LAMC3: variants seen among roughly 807,000 people sequenced by gnomAD.
LAMC3 encodes laminin subunit gamma 3.
In LAMC3, 128 loss-of-function variants were observed where a neutral mutation model predicts 173.8. The ratio of observed to expected loss-of-function variants is 0.74; its 90% confidence interval spans 0.64 to 0.85. The LOEUF (loss-of-function observed/expected upper bound fraction) is 0.85, where lower values mean the gene tolerates loss of function less well. Among genes scored for constraint, LAMC3 ranks in the 40% least tolerant of loss-of-function variants. The probability of loss-of-function intolerance (pLI) is 0.00; values close to 1 mark genes in which losing one functional copy is unlikely to be tolerated. For missense variants in LAMC3, 2,022 were observed against 2,156.0 expected, an observed-to-expected ratio of 0.94 and a Z score of 1.23; for synonymous variants, 897 against 909.1, an observed-to-expected ratio of 0.99 and a Z score of 0.24.
chr9:131,048,579 AGGCACTGAACT>A (rs1394807977), intron 8 of LAMC3, among the ~76,000 whole-genome samples: 2 of 152,022 alleles, frequency 1.3e-5, no homozygotes, highest in African/African-American at 4.8e-5. Flanking sequence ...CAGAGGGAGG[AGGCACTGAACT>A]GGCACTGGGG....
At position 131,029,361 on chromosome 9, in the gene LAMC3, C is replaced by T. The variant is rs1345376400; in HGVS notation, c.679-2684C>T. 1.3e-5 allele frequency among the ~76,000 whole-genome samples: 2 copies of T among 152,210 alleles called. No individual in the cohort carries two copies. Among genetic ancestry groups the T allele is most frequent in the African/African-American group, 2.4e-5 (1 of 41,452 alleles). ...AAGCTCTGTAGATTAGAAAACGTCA[C>T]CCGAGGTCAGATGAAGACAGGCAGG... On this transcript the variant is annotated intron_variant, in intron 2 of 27. Transcript: ENST00000361069. This position sits in a 1 kb window ranked among gnomAD's most constrained non-coding sequence, Gnocchi z 4.6.
chr9:131,064,956 A>G (rs60653185), intron 13 of LAMC3, among the ~76,000 whole-genome samples: 12,760 of 148,372 alleles, frequency 0.086, 1,740 homozygotes, highest in African/African-American at 0.29. Context: ...CAGGAGAATC[A>G]CTTGAACCCA....
intron 1 of LAMC3, among the ~76,000 whole-genome samples, chr9:131,013,606 G>T (rs1448050178): frequency 6.6e-6 from 1 of 152,226 alleles, no homozygotes; most frequent in Non-Finnish European, 1.5e-5. Context: ...TTACTGAGCA[G>T]TGCTGAGAAC....
At chr9:131,021,972 C>A (rs1389557264) in intron 1 of LAMC3, among the ~76,000 whole-genome samples, 1 of 152,196 alleles carries the variant, frequency 6.6e-6, no homozygotes, top group African/African-American at 2.4e-5. Flanking sequence ...TCCAGAAGCT[C>A]CCTGAACCCT....
intron 1 of LAMC3, among the ~76,000 whole-genome samples, chr9:131,010,697 G>A (rs778865872): frequency 6.6e-6 from 1 of 152,262 alleles, no homozygotes; most frequent in Non-Finnish European, 1.5e-5. Context: ...CTGGGGAGGA[G>A]GACTAAGTTT....
chr9:131,088,781 T>G (rs1285497741), intron 27 of LAMC3, among the ~76,000 whole-genome samples: 2 of 152,024 alleles, frequency 1.3e-5, no homozygotes, highest in Non-Finnish European at 2.9e-5. Flanking sequence ...TTTCTGTCTC[T>G]ATGAATTTGA....
chr9:131,017,497 G>A (rs1459354178), intron 1 of LAMC3, among the ~76,000 whole-genome samples: 3 of 151,904 alleles, frequency 2.0e-5, no homozygotes, highest in Non-Finnish European at 4.4e-5. Context: ...GGCCGAGGCC[G>A]GCGGATCACT....
chr9:131,072,481 G>A (rs1830051513), intron 18 of LAMC3, 149 bp from the exon 19 acceptor site: 1 of 704,054 alleles, frequency 1.4e-6, no homozygotes, highest in Non-Finnish European at 2.5e-6. Flanking sequence ...CCTGGAAAAT[G>A]GGGGTACTCT....
Position 131,075,918 on chromosome 9 carries a change from G to T in LAMC3, c.3582G>T (p.Leu1194=), listed in dbSNP as rs768461444. Residue 1194 remains leucine (L), a synonymous_variant, in exon 21 of 28, where the codon CTG becomes CTT. Coordinates refer to ENST00000361069, the MANE Select transcript of LAMC3 (RefSeq NM_006059.4). ...CCAGCTACGCGCTTCTCTGGAATCT[G>T]CTGGAGGGAAGGGTGGCCCTAGAGA... is the stretch of plus-strand genomic sequence containing the variant. The part of the protein sequence containing the change: ...SNTSYALLWN[L]LEGRVALETQ... 41 of 1,611,552 alleles carry T rather than the reference G, an allele frequency of 2.5e-5. 1 individual carries two copies. The South Asian group carries it at 4.4e-4, about 17-fold the overall frequency.
In LAMC3 at chr9:131,026,148, C is replaced by T; in HGVS notation, c.374-137C>T. 6.6e-7 allele frequency: 1 copy of T among 1,522,706 alleles called. No individual in the cohort carries two copies. Among genetic ancestry groups the T allele is most frequent in the Non-Finnish European group, 8.9e-7 (1 of 1,129,690 alleles). The allele number at this position is 1,522,706 out of a possible 1,614,324, so 94.3% of individuals were successfully genotyped here. ...AGGCATCATGAATGGAGGGTGGCTT[C>T]CCCTGTCCAGAGCTCCAGACAGCTT... On this transcript the variant is annotated intron_variant, in intron 1 of 27. Transcript: ENST00000361069. This position sits in a 1 kb window ranked among gnomAD's most constrained non-coding sequence, Gnocchi z 4.8.
chr9:131,044,329 G>A (rs979609764), intron 7 of LAMC3, among the ~76,000 whole-genome samples: 3 of 151,690 alleles, frequency 2.0e-5, no homozygotes, highest in Non-Finnish European at 4.4e-5. Context: ...GGCCAACATA[G>A]TGAAACCCTG....
intron 2 of LAMC3, among the ~76,000 whole-genome samples, chr9:131,031,311 A>C (rs11244251): frequency 0.049 from 7,505 of 151,688 alleles, 365 homozygotes; most frequent in South Asian, 0.18. Context: ...GTTTTCCCCG[A>C]CTTCCCCTCC....
chr9:131,026,481 C>T lies in LAMC3; in HGVS notation c.570C>T (p.Cys190=). The change falls in exon 2 of 28, where the codon TGC becomes TGT. Residue 190 remains cysteine, a synonymous_variant. Transcript: ENST00000361069. This position sits in a 1 kb window ranked among gnomAD's most constrained non-coding sequence, Gnocchi z 4.8. ...RPGEDERVAF[C]TSEFSDISPL... ...GCGAGGACGAGCGCGTGGCCTTCTGCACCTCTGAGTTCAGCGACATCTCCC... is the reference window on the plus strand; with the variant it reads ...GCGAGGACGAGCGCGTGGCCTTCTGTACCTCTGAGTTCAGCGACATCTCCC... 1.2e-6 allele frequency: 2 copies of T among 1,613,452 alleles called. No individual in the cohort carries two copies. Among genetic ancestry groups the T allele is most frequent in the Non-Finnish European group, 1.7e-6 (2 of 1,179,890 alleles).
intron 6 of LAMC3, among the ~76,000 whole-genome samples, chr9:131,039,520 G>A (rs1834007582): frequency 6.6e-6 from 1 of 152,084 alleles, no homozygotes; most frequent in Non-Finnish European, 1.5e-5. Flanking sequence ...AGTGCAGGGA[G>A]AGGGGAAGGA....
intron 11 of LAMC3, among the ~76,000 whole-genome samples, chr9:131,056,467 T>A (rs113747699): frequency 1.6e-4 from 23 of 143,938 alleles, no homozygotes; most frequent in African/African-American, 4.9e-4. Flanking sequence ...TGCCTAATCA[T>A]CTCCCTTACC....
chr9:131,062,938 G>C (rs924838613), intron 13 of LAMC3, among the ~76,000 whole-genome samples: 4 of 151,422 alleles, frequency 2.6e-5, no homozygotes, highest in Non-Finnish European at 5.9e-5. Context: ...GATAACAGCT[G>C]TTCTCCTCTC....
At chr9:131,052,438 A>G in intron 9 of LAMC3, 53 bp from the exon 10 acceptor site, 1 of 1,458,362 alleles carries the variant, frequency 6.9e-7, no homozygotes, top group South Asian at 1.1e-5. Context: ...ATAGACATTT[A>G]AAATCAAGCT....
Position 131,039,035 on chromosome 9 carries a change from G to C in LAMC3, c.1148G>C (p.Cys383Ser), listed in dbSNP as rs1236413511. 6.2e-7 allele frequency: 1 copy of C among 1,613,466 alleles called. No individual in the cohort carries two copies. The highest frequency in any genetic ancestry group is 2.2e-5 in the East Asian group (1 of 44,884). Residue 383 changes from cysteine (C) to serine (S), a missense_variant, in exon 5 of 28, where the codon TGT becomes TCT. Transcript: ENST00000361069. ...HWDPRMPCQPCDCQSAGSLHL... is the reference protein window; with the variant it reads ...HWDPRMPCQPSDCQSAGSLHL... The stretch of plus-strand genomic sequence containing the variant: ...GACCCGCGGATGCCATGCCAGCCCT[G>C]TGACTGCCAGTCGGCAGGTGAGTGG...
chr9:131,036,964 G>A (rs1564370350), intron 4 of LAMC3, among the ~76,000 whole-genome samples: 3 of 152,244 alleles, frequency 2.0e-5, no homozygotes, highest in Admixed American at 2.0e-4. Flanking sequence ...TGGTGCTGGT[G>A]CTGCTGGCAG....
Sources: gnomAD v4.1 joint callset for allele counts (sites outside exome capture counted in the v4.1 genomes callset) on GRCh38, gnomAD v4.1.1 for gene constraint, Gnocchi (gnomAD v3.1) non-coding constraint, MANE v1.5 for transcripts, NCBI Gene and HGNC (gene_info 2026-07-23, HGNC 2026-07-21) for gene names.